The following TIA1 variants were observed in gnomAD, a reference collection of about 807,000 sequenced individuals.
TIA1 encodes the protein TIA1 cytotoxic granule associated RNA binding protein.
Under a neutral mutation model 65.9 loss-of-function variants are expected in TIA1, and 23 were observed. The ratio of observed to expected loss-of-function variants is 0.35; its 90% CI spans 0.25 to 0.49. The LOEUF (loss-of-function observed/expected upper bound fraction) is 0.49. Ranked by LOEUF, TIA1 falls within the 20% of genes least tolerant of loss-of-function variation. The pLI is 0.98. For synonymous variants in TIA1, 147 were observed against 149.4 expected (o/e 0.98, Z 0.12); for missense variants, 371 against 477.9 (o/e 0.78, Z 2.09).
chr2:70,225,214 G>C, intron 6 of TIA1: 5 of 1,085,072 alleles, frequency 4.6e-6, no homozygotes, highest in Non-Finnish European at 5.6e-6. Flanking sequence ...TTTTAAGCTA[G>C]ACAAGAAAAG....
At chr2:70,219,492 TA>T (rs917271347) in intron 7 of TIA1, among the ~76,000 whole-genome samples, 34 of 151,692 alleles carry the variant, frequency 2.2e-4, no homozygotes, top group Non-Finnish European at 2.2e-4. Flanking sequence ...CGAAATGCTT[TA>T]AAAAAAAATT....
intron 7 of TIA1, 117 bp from the exon 8 acceptor site, chr2:70,217,111 G>T: frequency 1.0e-6 from 1 of 958,052 alleles, no homozygotes. Context: ...AATGCTCTAT[G>T]AAATACACAA....
chr2:70,242,135 C>CA (rs376698803), intron 1 of TIA1, among the ~76,000 whole-genome samples: 10 of 152,148 alleles, frequency 6.6e-5, no homozygotes, highest in African/African-American at 2.2e-4. Flanking sequence ...TGAAGGTTAT[C>CA]ATGCCATTCT....
At chr2:70,217,696 C>T (rs1281862960) in intron 7 of TIA1, among the ~76,000 whole-genome samples, 1 of 152,066 alleles carries the variant, frequency 6.6e-6, no homozygotes, top group Non-Finnish European at 1.5e-5. Flanking sequence ...TGTGCCCGGC[C>T]CTGGTCTCAA....
intron 6 of TIA1, chr2:70,225,091 A>G (rs1683220658): frequency 7.0e-6 from 7 of 1,000,800 alleles, no homozygotes; most frequent in Non-Finnish European, 8.4e-6. Context: ...TAAACTAATT[A>G]AACTATTTAA....
intron 1 of TIA1, among the ~76,000 whole-genome samples, chr2:70,238,147 C>T (rs550622683): frequency 1.3e-5 from 2 of 149,100 alleles, no homozygotes; most frequent in Admixed American, 6.8e-5. Context: ...GGCAACAGAG[C>T]GAGACTCCAT....
chr2:70,246,357 G>A (rs1201962051), intron 1 of TIA1, among the ~76,000 whole-genome samples: 1 of 152,114 alleles, frequency 6.6e-6, no homozygotes, highest in African/African-American at 2.4e-5. Context: ...CTGACTTCCA[G>A]GGTCATTAAA....
intron 12 of TIA1, among the ~76,000 whole-genome samples, 170 bp downstream of exon 12, chr2:70,214,179 C>G (rs1677558236): frequency 6.6e-6 from 1 of 151,976 alleles, no homozygotes; most frequent in East Asian, 1.9e-4. Context: ...AGCTTAACAA[C>G]TATTAAGCTC....
At chr2:70,247,976 T>C (rs568076486) in intron 1 of TIA1, among the ~76,000 whole-genome samples, 1 of 141,490 alleles carries the variant, frequency 7.1e-6, no homozygotes, top group African/African-American at 2.7e-5. Context: ...AGAATTTCAG[T>C]AGGAAATCAA....
At chr2:70,246,418 T>G (rs1278345913) in intron 1 of TIA1, among the ~76,000 whole-genome samples, 1 of 152,210 alleles carries the variant, frequency 6.6e-6, no homozygotes, top group Non-Finnish European at 1.5e-5. Context: ...ACTTAGGGAT[T>G]AGTACCCTCA....
upstream of TIA1, chr2:70,248,706 G>T: frequency 1.9e-6 from 1 of 524,816 alleles, no homozygotes; most frequent in Non-Finnish European, 3.4e-6. Flanking sequence ...CTCAACCTCC[G>T]GGCCGCCCGG....
At chr2:70,223,788 A>G (rs1682612190) in intron 7 of TIA1, among the ~76,000 whole-genome samples, 3 of 152,072 alleles carry the variant, frequency 2.0e-5, no homozygotes, top group Non-Finnish European at 4.4e-5. Flanking sequence ...TTGTAGAGAT[A>G]GGGTCCCACT....
intron 1 of TIA1, among the ~76,000 whole-genome samples, chr2:70,244,578 G>A (rs772614863): frequency 9.2e-5 from 14 of 152,058 alleles, no homozygotes; most frequent in Non-Finnish European, 1.8e-4. Context: ...ATTGTCGCCT[G>A]TAATCCCAGC....
Position 70,228,578 on chromosome 2 carries a change from A to G in TIA1, c.310+481T>C. On this transcript the variant is annotated intron_variant, in intron 5 of 12. Coordinates refer to ENST00000433529, the MANE Select transcript of TIA1 (RefSeq NM_022173.4). ...AAGTTTTTAAAAAAGACAATTATCA[A>G]AAAAAGAAACACTTTAAAAATGCAA... 5 of 1,108,724 alleles carry G rather than the reference A, an allele frequency of 4.5e-6. No individual in the cohort carries two copies. The South Asian group carries it at 1.1e-4, about 23-fold the overall frequency. The allele number at this position is 1,108,724 out of a possible 1,614,324, so 68.7% of individuals were successfully genotyped here. A position where few individuals can be genotyped will look rare whatever the true frequency, so the allele number is the denominator to read the frequency against.
intron 7 of TIA1, among the ~76,000 whole-genome samples, chr2:70,222,909 G>A (rs983891202): frequency 4.0e-5 from 6 of 151,488 alleles, no homozygotes; most frequent in South Asian, 4.2e-4. Flanking sequence ...GCGAAACTCC[G>A]TCTCAAAAAA....
intron 2 of TIA1, among the ~76,000 whole-genome samples, chr2:70,231,131 C>G (rs1404168356): frequency 6.6e-6 from 1 of 151,118 alleles, no homozygotes; most frequent in Non-Finnish European, 1.5e-5. Flanking sequence ...AACCCTGTCT[C>G]TATTAAAAAA....
chr2:70,230,800 C>A lies in TIA1; in HGVS notation c.178G>T (p.Ala60Ser). Residue 60 changes from alanine to serine, a missense_variant, in exon 3 of 13, where the codon GCT becomes TCT. Transcript: ENST00000433529. ...FVEFHEHRHA[A>S]AALAAMNGRK... is the part of the protein sequence containing the mutation. Reference sequence around the variant, plus strand: ...CCATTCATAGCAGCTAATGCTGCAGCTGCATGACGATGCTCATGAAACTCC... The same window carrying A: ...CCATTCATAGCAGCTAATGCTGCAGATGCATGACGATGCTCATGAAACTCC... 1 of 1,612,890 alleles carries A rather than the reference C, an allele frequency of 6.2e-7. No homozygotes were observed. Among genetic ancestry groups the A allele is most frequent in the Non-Finnish European group, 8.5e-7 (1 of 1,179,628 alleles).
chr2:70,232,597 A>C (rs1198647659), intron 2 of TIA1, among the ~76,000 whole-genome samples: 8 of 147,696 alleles, frequency 5.4e-5, no homozygotes, highest in Non-Finnish European at 9.0e-5. Flanking sequence ...GGCCGGGCAC[A>C]GTAGCTCATG....
chr2:70,209,504 G>T lies in TIA1; in HGVS notation c.*3215C>A. The T allele has an allele frequency of 2.5e-6, 1 of 397,816 alleles. No individual in the cohort carries two copies. Among genetic ancestry groups the T allele is most frequent in the South Asian group, 1.3e-4 (1 of 7,644 alleles). The allele number at this position is 397,816 out of a possible 1,614,324, so 24.6% of individuals were successfully genotyped here. A position where few individuals can be genotyped will look rare whatever the true frequency, so the allele number is the denominator to read the frequency against. On this transcript the variant is annotated 3_prime_UTR_variant, in exon 13 of 13. Transcript: ENST00000433529. ...TCTTAAATTGAAACTCATCATTTTG[G>T]ATGTACATTCAAATTCTAAACACAA...
Sources: allele counts gnomAD v4.1 joint callset (sites outside exome capture counted in the v4.1 genomes callset), GRCh38; gene constraint gnomAD v4.1.1; transcripts MANE v1.5; gene names NCBI Gene and HGNC (gene_info 2026-07-23, HGNC 2026-07-21).